Variants in AGFG1 observed in about 807,000 individuals in gnomAD.
The protein encoded by AGFG1 is ArfGAP with FG repeats 1.
A neutral mutation model predicts 60.6 loss-of-function variants in AGFG1; 10 were observed. That is an observed-to-expected ratio of 0.16 (90% CI 0.10 to 0.28). The LOEUF is 0.28. Ranked by LOEUF, AGFG1 falls within the 10% of genes least tolerant of loss-of-function variation. The probability of loss-of-function intolerance (pLI) is 1.00; values close to 1 mark genes in which losing one functional copy is unlikely to be tolerated. For synonymous variants in AGFG1, 247 were observed against 242.9 expected (o/e 1.02, Z -0.16); for missense variants, 537 against 676.5 (o/e 0.79, Z 2.29).
rs965350148 is a variant in AGFG1, at chr2:227,556,625, G to A, written c.*2130G>A. On this transcript the variant is annotated 3_prime_UTR_variant, in exon 13 of 13. Transcript: ENST00000310078. ...GACCATTACCCAAATATCCTACCAG[G>A]CTTTCCATCTGAATAGTAAATTAAA... The A allele has an allele frequency of 2.0e-5, 3 of 152,562 alleles. No individual in the cohort carries two copies. The highest frequency in any genetic ancestry group is 4.8e-5 in the African/African-American group (2 of 41,414). 9.5% of individuals were successfully genotyped at this position (152,562 alleles called of 1,614,324 possible).
intron 5 of AGFG1, among the ~76,000 whole-genome samples, chr2:227,527,692 T>C (rs1306180169): frequency 6.6e-6 from 1 of 152,238 alleles, no homozygotes; most frequent in Admixed American, 6.5e-5. Flanking sequence ...TCAAACCAAA[T>C]GTAGAACATT....
At chr2:227,489,138 C>T (rs1690722715) in intron 1 of AGFG1, among the ~76,000 whole-genome samples, 1 of 148,046 alleles carries the variant, frequency 6.8e-6, no homozygotes, top group Non-Finnish European at 1.5e-5. Context: ...TGAAACTAGT[C>T]TTTAGAGCCT....
At chr2:227,553,000 C>CA (rs5839220) in intron 11 of AGFG1, among the ~76,000 whole-genome samples, 57,681 of 92,302 alleles carry the variant, frequency 0.62, 18,151 homozygotes, top group South Asian at 0.74. Flanking sequence ...AATTCCATCT[C>CA]AAAAAAAAAA....
At chr2:227,481,300 AAG>A (rs1482554602) in intron 1 of AGFG1, among the ~76,000 whole-genome samples, 1 of 152,088 alleles carries the variant, frequency 6.6e-6, no homozygotes, top group Non-Finnish European at 1.5e-5. Flanking sequence ...GGTCCCTAAC[AAG>A]AGTCTTCAGC....
chr2:227,542,192 A>G (rs1358823114), intron 10 of AGFG1, among the ~76,000 whole-genome samples: 1 of 152,160 alleles, frequency 6.6e-6, no homozygotes, highest in Non-Finnish European at 1.5e-5. Flanking sequence ...AAGTTCCAAC[A>G]CTATGTTGAA....
chr2:227,531,096 A>G lies in AGFG1; in HGVS notation c.700A>G (p.Asn234Asp). The change falls in exon 6 of 13, where the codon AAT (asparagine) becomes GAT (aspartate). Residue 234 changes from asparagine (N) to aspartate (D), a missense_variant. Asn to Asp is a conservative substitution (Grantham distance 23). Coordinates refer to ENST00000310078, the MANE Select transcript of AGFG1 (RefSeq NM_004504.5). The part of the protein sequence containing the change: ...FAHFNSHAAQ[N>D]SANADFANFD... Reference sequence around the variant, plus strand: ...TTGTTCCTTACCATTTACAGCTCAGAATTCTGCAAATGCAGATTTTGCAAA... The same window carrying G: ...TTGTTCCTTACCATTTACAGCTCAGGATTCTGCAAATGCAGATTTTGCAAA... The G allele has an allele frequency of 6.2e-7, 1 of 1,612,112 alleles. No individual in the cohort carries two copies.
intron 5 of AGFG1, among the ~76,000 whole-genome samples, chr2:227,527,911 G>A (rs948913468): frequency 1.1e-4 from 16 of 152,162 alleles, no homozygotes; most frequent in African/African-American, 3.9e-4. Context: ...ACAGAATCCA[G>A]TGCTGATAGA....
chr2:227,508,212 GC>G (rs1691384296), intron 2 of AGFG1: 1 of 153,800 alleles, frequency 6.5e-6, no homozygotes, highest in African/African-American at 2.4e-5. Context: ...ACAAATGCAT[GC>G]CTTCAGTCAC....
intron 2 of AGFG1, among the ~76,000 whole-genome samples, chr2:227,514,553 C>CT (rs1465754646): frequency 1.3e-5 from 2 of 152,140 alleles, no homozygotes; most frequent in Non-Finnish European, 2.9e-5. Context: ...TATTAATTTA[C>CT]TTAACTCTAA....
At chr2:227,542,825 T>G (rs1038626320) in intron 10 of AGFG1, among the ~76,000 whole-genome samples, 1 of 152,144 alleles carries the variant, frequency 6.6e-6, no homozygotes, top group Non-Finnish European at 1.5e-5. Flanking sequence ...TTGCCTCAAT[T>G]TCAGAGCCTG....
chr2:227,552,846 A>C (rs1308561705), intron 11 of AGFG1, among the ~76,000 whole-genome samples: 1 of 151,794 alleles, frequency 6.6e-6, no homozygotes, highest in Non-Finnish European at 1.5e-5. Flanking sequence ...TACTAAAAAT[A>C]CAAAATTAGC....
chr2:227,497,903 C>A (rs1691033080), intron 2 of AGFG1, among the ~76,000 whole-genome samples: 2 of 151,794 alleles, frequency 1.3e-5, no homozygotes, highest in South Asian at 4.2e-4. Context: ...TACCACCATG[C>A]CTGGCTAATT....
At chr2:227,472,788 G>T (rs1198848974) in intron 1 of AGFG1, among the ~76,000 whole-genome samples, 200 bp downstream of exon 1, 1 of 149,404 alleles carries the variant, frequency 6.7e-6, no homozygotes, top group Non-Finnish European at 1.5e-5. Flanking sequence ...CCGGGCTGGG[G>T]ATGCGTTTTC....
intron 2 of AGFG1, among the ~76,000 whole-genome samples, chr2:227,511,909 G>A (rs1691507237): frequency 6.6e-6 from 1 of 152,188 alleles, no homozygotes; most frequent in Admixed American, 6.5e-5. Flanking sequence ...ACTTTCTGAG[G>A]AGGCCAGTAG....
chr2:227,537,022 G>A (rs1255130981), intron 10 of AGFG1, 29 bp downstream of exon 10: 1 of 1,581,080 alleles, frequency 6.3e-7, no homozygotes, highest in South Asian at 1.1e-5. Flanking sequence ...GGAACAGTAA[G>A]TTTTGGGGAA....
intron 5 of AGFG1, 118 bp from the exon 6 acceptor site, chr2:227,530,973 C>G (rs1692140318): frequency 2.1e-5 from 20 of 957,448 alleles, no homozygotes; most frequent in Non-Finnish European, 2.6e-5. Context: ...AGTGAATTCT[C>G]TATAAAGTGA....
intron 2 of AGFG1, among the ~76,000 whole-genome samples, chr2:227,499,578 T>G (rs1305265969): frequency 6.6e-6 from 1 of 151,326 alleles, no homozygotes; most frequent in East Asian, 1.9e-4. Context: ...AGGCAGAGGT[T>G]GTAGTGAGCC....
intron 2 of AGFG1, among the ~76,000 whole-genome samples, chr2:227,498,859 A>T (rs187470604): frequency 1.1e-3 from 172 of 152,286 alleles, no homozygotes; most frequent in Non-Finnish European, 2.1e-3. Context: ...TTACCATTCT[A>T]GCTTCCTGTA....
In AGFG1 at chr2:227,533,751, C is replaced by T. The variant is rs748896615; in HGVS notation, c.1017C>T (p.Ala339=). ...CTAATTTAGACAATATCTTCAGTGC[C>T]GGGCAAGGTATCAAGCTTTAAGCAA... The part of the protein sequence containing the change: ...ALANLDNIFS[A]GQGGDQGSGF... Residue 339 remains alanine, a synonymous_variant, in exon 7 of 13, where the codon GCC becomes GCT. Transcript: ENST00000310078. 17 of 1,613,010 alleles carry T rather than the reference C, an allele frequency of 1.1e-5. No homozygotes were observed. Among genetic ancestry groups the T allele is most frequent in the Admixed American group, 1.0e-4 (6 of 59,924 alleles).
Sources: allele counts gnomAD v4.1 joint callset (sites outside exome capture counted in the v4.1 genomes callset), GRCh38; gene constraint gnomAD v4.1.1; transcripts MANE v1.5; gene names NCBI Gene and HGNC (gene_info 2026-07-23, HGNC 2026-07-21).